Variants in CHFR observed in about 807,000 individuals in gnomAD.
CHFR encodes E3 ubiquitin-protein ligase CHFR.
CHFR carries 57 observed loss-of-function variants against 87.6 expected under a neutral mutation model. The observed-to-expected ratio is 0.65, with a 90% CI of 0.53 to 0.81. CHFR has a LOEUF of 0.81. Among genes scored for constraint, CHFR ranks in the 30% least tolerant of loss-of-function variants. CHFR has a pLI of 0.00. For synonymous variants in CHFR, 381 were observed against 359.2 expected (o/e 1.06, Z -0.69); for missense variants, 797 against 865.8 (o/e 0.92, Z 1.00).
At chr12:132,858,504 C>T (rs1408935288) in intron 8 of CHFR, among the ~76,000 whole-genome samples, 1 of 151,908 alleles carries the variant, frequency 6.6e-6, no homozygotes, top group Non-Finnish European at 1.5e-5. Flanking sequence ...GTGGGCAGAT[C>T]ACCTGAAGTC....
chr12:132,876,804 G>A (rs930485594), intron 3 of CHFR, among the ~76,000 whole-genome samples: 23 of 152,024 alleles, frequency 1.5e-4, no homozygotes, highest in Admixed American at 1.4e-3. Flanking sequence ...CTTTTGTTTC[G>A]TTTTGTTTTG....
intron 15 of CHFR, among the ~76,000 whole-genome samples, chr12:132,844,647 T>C (rs1290395002): frequency 1.3e-5 from 2 of 151,080 alleles, no homozygotes; most frequent in Non-Finnish European, 3.0e-5. Context: ...TATTTATTTT[T>C]TGAGACCAAG....
chr12:132,885,571 G>A (rs943501361), intron 2 of CHFR, among the ~76,000 whole-genome samples: 12 of 151,886 alleles, frequency 7.9e-5, no homozygotes, highest in Non-Finnish European at 4.4e-5. Context: ...CACTAAAATC[G>A]TTCCTATTAA....
chr12:132,875,545 C>G (rs1029826337), intron 3 of CHFR, among the ~76,000 whole-genome samples: 2 of 151,978 alleles, frequency 1.3e-5, no homozygotes, highest in Non-Finnish European at 2.9e-5. Context: ...ATCGCTTGAA[C>G]CCGGGTGGCG....
chr12:132,835,814 G>C lies in CHFR; in HGVS notation c.*5740C>G. On this transcript the variant is annotated 3_prime_UTR_variant, in exon 18 of 18. Coordinates refer to ENST00000450056, the MANE Select transcript of CHFR (RefSeq NM_001161346.2). ...AATGCATGCTCCCAGCACAGCGCAC[G>C]GCCCTCACAGTGCCAGGCTCCCAGC... The C allele has an allele frequency of 3.0e-6, 1 of 335,956 alleles. No homozygotes were observed. Among genetic ancestry groups the C allele is most frequent in the Admixed American group, 4.5e-5 (1 of 22,136 alleles). The allele number at this position is 335,956 out of a possible 1,614,324, so 20.8% of individuals were successfully genotyped here.
chr12:132,855,092 A>G (rs1951036440), intron 10 of CHFR: 1 of 151,998 alleles, frequency 6.6e-6, no homozygotes, highest in South Asian at 2.1e-4. Context: ...AAACACAAAA[A>G]TTAGCTGGGT....
chr12:132,873,443 G>C (rs12305153), intron 3 of CHFR, among the ~76,000 whole-genome samples: 14,295 of 152,252 alleles, frequency 0.094, 1,424 homozygotes, highest in East Asian at 0.46. Context: ...ATGCGGTTTT[G>C]AGCTGTGCAG....
intron 15 of CHFR, among the ~76,000 whole-genome samples, chr12:132,846,343 A>G (rs906507351): frequency 2.0e-5 from 3 of 150,268 alleles, no homozygotes; most frequent in Admixed American, 1.3e-4. Flanking sequence ...GCTCACTGCA[A>G]GCTCCGCCTC....
intron 16 of CHFR, 120 bp downstream of exon 16, chr12:132,843,907 C>T (rs527905433): frequency 1.7e-6 from 1 of 605,426 alleles, no homozygotes; most frequent in East Asian, 3.0e-5. Context: ...CGAGATTGCA[C>T]CACTGCACTC....
In CHFR at chr12:132,844,014, G is replaced by A. The variant is rs377093117; in HGVS notation, c.1843+13C>T. 1.3e-5 allele frequency: 21 copies of A among 1,565,252 alleles called. No individual in the cohort carries two copies. The highest frequency in any genetic ancestry group is 6.7e-5 in the Admixed American group (4 of 59,874). The stretch of plus-strand genomic sequence containing the variant: ...ACAGAACTAGAGCCATGAGGAAGTC[G>A]GGGGCTCCTTACCTGGCAACTCGGA... On this transcript the variant is annotated intron_variant, in intron 16 of 17. Coordinates refer to ENST00000450056, the MANE Select transcript of CHFR (RefSeq NM_001161346.2).
Position 132,832,511 on chromosome 12 carries a change from T to G in CHFR, c.*9043A>C, listed in dbSNP as rs534300505. 5.3e-5 allele frequency: 8 copies of G among 152,288 alleles called. No individual in the cohort carries two copies. The highest frequency in any genetic ancestry group is 1.7e-4 in the African/African-American group (7 of 41,558). 9.4% of individuals were successfully genotyped at this position (152,288 alleles called of 1,614,324 possible). ...ACAAAGAAATGATACAGGCTTGAGGTGATGGATACCCCAGTTACTGGGAGT... is the reference window on the plus strand; with the variant it reads ...ACAAAGAAATGATACAGGCTTGAGGGGATGGATACCCCAGTTACTGGGAGT... On this transcript the variant is annotated 3_prime_UTR_variant, in exon 18 of 18. Coordinates refer to ENST00000450056, the MANE Select transcript of CHFR (RefSeq NM_001161346.2).
chr12:132,871,895 G>A (rs1951499187), intron 4 of CHFR: 1 of 184,524 alleles, frequency 5.4e-6, no homozygotes, highest in South Asian at 1.8e-4. Context: ...CTGGAATCCA[G>A]TCTAACCTTT....
At chr12:132,869,538 T>A in intron 6 of CHFR, 81 bp downstream of exon 6, 1 of 1,335,762 alleles carries the variant, frequency 7.5e-7, no homozygotes, top group South Asian at 1.3e-5. Context: ...GTCGCTTATC[T>A]GCCTCTGTAA....
intron 8 of CHFR, 141 bp from the exon 9 acceptor site, chr12:132,857,700 T>G (rs1175920810): frequency 2.6e-6 from 2 of 755,472 alleles, no homozygotes; most frequent in Non-Finnish European, 4.2e-6. Context: ...TAAGTCAGTC[T>G]TGGTTAATGA....
At chr12:132,842,869 A>G in intron 17 of CHFR, 142 bp downstream of exon 17, 1 of 703,840 alleles carries the variant, frequency 1.4e-6, no homozygotes, top group Non-Finnish European at 2.6e-6. Flanking sequence ...ATAAAGGAAG[A>G]GCAGGATTTC....
In CHFR at chr12:132,861,504, C is replaced by T; in HGVS notation, c.714G>A (p.Gln238=). Residue 238 remains glutamine, a synonymous_variant, in exon 7 of 18, where the codon CAG becomes CAA. Transcript: ENST00000450056. ...TCTTCTTCACGGGCTCCAAATCCTCCTGATCCTGGGGTTCCAACGACGAAA... is the reference window on the plus strand; with the variant it reads ...TCTTCTTCACGGGCTCCAAATCCTCTTGATCCTGGGGTTCCAACGACGAAA... ...ASFSSLEPQD[Q]EDLEPVKKKM... is the part of the protein sequence containing the mutation. 2 of 1,614,234 alleles carry T rather than the reference C, an allele frequency of 1.2e-6. No individual in the cohort carries two copies. Among genetic ancestry groups the T allele is most frequent in the South Asian group, 1.1e-5 (1 of 91,090 alleles).
intron 6 of CHFR, 79 bp downstream of exon 6, chr12:132,869,540 C>T: frequency 1.5e-6 from 2 of 1,351,848 alleles, no homozygotes; most frequent in Non-Finnish European, 1.0e-6. Flanking sequence ...CGCTTATCTG[C>T]CTCTGTAACA....
chr12:132,873,530 C>G (rs966998284), intron 3 of CHFR, among the ~76,000 whole-genome samples: 1 of 152,104 alleles, frequency 6.6e-6, no homozygotes, highest in East Asian at 1.9e-4. Flanking sequence ...TCTGTGTCCT[C>G]CTGCTCCACA....
At chr12:132,851,029 C>T (rs549772492) in intron 12 of CHFR, among the ~76,000 whole-genome samples, 37 of 150,596 alleles carry the variant, frequency 2.5e-4, no homozygotes, top group Middle Eastern at 3.4e-3. Context: ...TTCCCTCTGT[C>T]GCCAAGGCTG....
Sources: gnomAD v4.1 joint callset for allele counts (sites outside exome capture counted in the v4.1 genomes callset) on GRCh38, gnomAD v4.1.1 for gene constraint, MANE v1.5 for transcripts, NCBI Gene and HGNC (gene_info 2026-07-23, HGNC 2026-07-21) for gene names.